The following SAMD5 variants were observed in gnomAD, a reference collection of about 807,000 sequenced individuals.
SAMD5 encodes the protein sterile alpha motif domain containing 5.
A neutral mutation model predicts 11.3 loss-of-function variants in SAMD5; 13 were observed. That is an observed-to-expected ratio of 1.15 (90% CI 0.75 to 1.83). The LOEUF is 1.83. Among genes scored for constraint, SAMD5 ranks in the 40% most tolerant of loss-of-function variants. SAMD5 has a pLI of 0.00. For missense variants in SAMD5, 255 were observed against 239.1 expected (o/e 1.07, Z -0.44); for synonymous variants, 129 against 111.3 (o/e 1.16, Z -1.00).
intron 1 of SAMD5, among the ~76,000 whole-genome samples, chr6:147,615,039 T>G (rs1276894856): frequency 1.3e-5 from 2 of 151,984 alleles, no homozygotes; most frequent in African/African-American, 2.4e-5. Flanking sequence ...CCATTTGCAT[T>G]GTATTAGGTA....
downstream of SAMD5, among the ~76,000 whole-genome samples, chr6:147,574,193 G>A (rs1288790158): frequency 6.6e-6 from 1 of 151,630 alleles, no homozygotes; most frequent in Non-Finnish European, 1.5e-5. Context: ...AAAAAATATG[G>A]TTGCCAACAC....
At chr6:147,834,224 C>T in the SAMD5 span, among the ~76,000 whole-genome samples, 4 of 152,122 alleles carry the variant, frequency 2.6e-5, no homozygotes, top group Non-Finnish European at 5.9e-5. Context: ...GGTTTCATCT[C>T]ATATGAGTTA....
chr6:147,513,367 T>A (rs1788117882), intron 1 of SAMD5, among the ~76,000 whole-genome samples: 1 of 152,096 alleles, frequency 6.6e-6, no homozygotes, highest in Non-Finnish European at 1.5e-5. Flanking sequence ...AGAACTTAAA[T>A]GATTGTTTGG....
chr6:147,896,862 T>C, the SAMD5 span, among the ~76,000 whole-genome samples: 6 of 151,626 alleles, frequency 4.0e-5, no homozygotes, highest in Admixed American at 2.6e-4. Flanking sequence ...TATTGACCCC[T>C]GCAGAGCATG....
the SAMD5 span, among the ~76,000 whole-genome samples, chr6:147,807,630 C>A: frequency 4.6e-5 from 7 of 152,176 alleles, no homozygotes; most frequent in Non-Finnish European, 1.0e-4. Flanking sequence ...CACCCTCATA[C>A]TAAACATGTC....
At chr6:147,869,229 A>G in the SAMD5 span, among the ~76,000 whole-genome samples, 1 of 152,246 alleles carries the variant, frequency 6.6e-6, no homozygotes, top group Non-Finnish European at 1.5e-5. Flanking sequence ...GAGTGTGCAG[A>G]TGAAGGGGTC....
chr6:147,897,257 T>C, the SAMD5 span, among the ~76,000 whole-genome samples: 1 of 152,074 alleles, frequency 6.6e-6, no homozygotes, highest in South Asian at 2.1e-4. Flanking sequence ...AGACACAAAC[T>C]AGAGGGGGGA....
At chr6:147,827,280 G>T in the SAMD5 span, among the ~76,000 whole-genome samples, 2 of 151,668 alleles carry the variant, frequency 1.3e-5, no homozygotes, top group Non-Finnish European at 2.9e-5. Flanking sequence ...CTTGTTCGTT[G>T]CACACACATA....
At chr6:147,603,981 G>A (rs1333423223) in intron 1 of SAMD5, among the ~76,000 whole-genome samples, 1 of 152,034 alleles carries the variant, frequency 6.6e-6, no homozygotes, top group African/African-American at 2.4e-5. Flanking sequence ...TTATGAGGTG[G>A]CATGTATATT....
chr6:147,814,435 T>C, the SAMD5 span, among the ~76,000 whole-genome samples: 1 of 152,154 alleles, frequency 6.6e-6, no homozygotes, highest in Non-Finnish European at 1.5e-5. Context: ...GCAAAAAATA[T>C]GTTCCTCTGC....
Position 147,509,310 on chromosome 6 carries a change from C to A in SAMD5, c.382C>A (p.Leu128Met). The A allele has an allele frequency of 6.3e-7, 1 of 1,580,576 alleles. No homozygotes were observed. The change falls in exon 1 of 2, where the codon CTG becomes ATG. Residue 128 changes from leucine to methionine, a missense_variant. By Grantham distance (15) the Leu-to-Met change is conservative. Coordinates refer to ENST00000367474, the MANE Select transcript of SAMD5 (RefSeq NM_001030060.3). Reference protein sequence around the residue: ...RSRELVSYPKLKLKIMIRDKL... With the variant: ...RSRELVSYPKMKLKIMIRDKL... ...CAGGGAGCTGGTGAGCTACCCCAAA[C>A]TGAAGCTGAAGATCATGATCAGGGA...
At chr6:147,742,132 A>G (rs895411899), downstream of SAMD5, among the ~76,000 whole-genome samples, 1 of 152,178 alleles carries the variant, frequency 6.6e-6, no homozygotes, top group African/African-American at 2.4e-5. Context: ...TATGAGTTTT[A>G]TATGTGCAAA....
chr6:147,767,564 G>GA, the SAMD5 span, among the ~76,000 whole-genome samples: 14,867 of 151,118 alleles, frequency 0.098, 923 homozygotes, highest in African/African-American at 0.13. Flanking sequence ...TCGGGGTGGG[G>GA]ATCTTATGAT....
chr6:147,820,037 G>A, the SAMD5 span, among the ~76,000 whole-genome samples: 1 of 152,184 alleles, frequency 6.6e-6, no homozygotes, highest in Non-Finnish European at 1.5e-5. Context: ...CATTTCCAAA[G>A]TCTATGGGAG....
chr6:147,835,277 G>A, the SAMD5 span, among the ~76,000 whole-genome samples: 6 of 150,524 alleles, frequency 4.0e-5, no homozygotes, highest in Non-Finnish European at 5.9e-5. Context: ...ATTGTGCAGC[G>A]GCTGTTGTGT....
At chr6:147,828,377 G>C in the SAMD5 span, among the ~76,000 whole-genome samples, 1 of 152,226 alleles carries the variant, frequency 6.6e-6, no homozygotes, top group African/African-American at 2.4e-5. Flanking sequence ...TGGATTGAAG[G>C]ATGCAAAGTA....
At chr6:147,932,212 T>C in the SAMD5 span, among the ~76,000 whole-genome samples, 19 of 152,240 alleles carry the variant, frequency 1.2e-4, no homozygotes, top group African/African-American at 4.6e-4. Context: ...AGGCATTAAA[T>C]AGACAAGAGC....
chr6:147,760,825 T>G, the SAMD5 span, among the ~76,000 whole-genome samples: 1 of 152,220 alleles, frequency 6.6e-6, no homozygotes, highest in Admixed American at 6.5e-5. Flanking sequence ...CTAGTCTTCA[T>G]TGACCTCTTT....
chr6:147,796,505 C>G, the SAMD5 span, among the ~76,000 whole-genome samples: 1 of 152,096 alleles, frequency 6.6e-6, no homozygotes, highest in African/African-American at 2.4e-5. Context: ...TAGTGTGATG[C>G]CTCCAGCTTT....
Sources: allele counts gnomAD v4.1 joint callset (sites outside exome capture counted in the v4.1 genomes callset), GRCh38; gene constraint gnomAD v4.1.1; transcripts MANE v1.5; gene names NCBI Gene and HGNC (gene_info 2026-07-23, HGNC 2026-07-21).